CYB5D1: variants seen among roughly 807,000 people sequenced by gnomAD.
CYB5D1 encodes cytochrome b5 domain containing 1.
Under a neutral mutation model 24.3 loss-of-function variants are expected in CYB5D1, and 30 were observed. The observed-to-expected ratio is 1.23, with a 90% CI of 0.92 to 1.67. CYB5D1 has a LOEUF of 1.67. Among genes scored for constraint, CYB5D1 ranks in the 40% most tolerant of loss-of-function variants. The pLI is 0.00. For synonymous variants in CYB5D1, 128 were observed against 123.2 expected, an observed-to-expected ratio of 1.04 and a Z score of -0.26; for missense variants, 265 against 296.7, an observed-to-expected ratio of 0.89 and a Z score of 0.79.
At position 7,859,697 on chromosome 17, in the gene CYB5D1, GGGGT is replaced by G; in HGVS notation, c.*87_*90del. ...CCTTGAGGAAAAGTGGTGGGGCCGA[GGGGT>G]GCCTGGACCCAGATCTCCACTCCTC... is the stretch of plus-strand genomic sequence containing the variant. On this transcript the variant is annotated 3_prime_UTR_variant, in exon 4 of 4. Transcript: ENST00000332439. The G allele has an allele frequency of 7.9e-7, 1 of 1,269,400 alleles. No homozygotes were observed. Among genetic ancestry groups the G allele is most frequent in the Non-Finnish European group, 1.1e-6 (1 of 884,300 alleles). 78.6% of individuals were successfully genotyped at this position (1,269,400 alleles called of 1,614,324 possible).
Position 7,858,079 on chromosome 17 carries a change from C to G in CYB5D1, c.-56C>G. 1.9e-6 allele frequency: 3 copies of G among 1,603,584 alleles called. No homozygotes were observed. Among genetic ancestry groups the G allele is most frequent in the Non-Finnish European group, 2.5e-6 (3 of 1,176,778 alleles). ...ACGGAGGTCGTAGTAGTAGTGAGTA[C>G]GTGCTGAGGAGCAAAGGAGTAACCA... is the stretch of plus-strand genomic sequence containing the variant. On this transcript the variant is annotated 5_prime_UTR_variant, in exon 1 of 4. Transcript: ENST00000332439.
chr17:7,858,580 C>A (rs761084853), intron 2 of CYB5D1, 26 bp from the exon 3 acceptor site: 4 of 1,608,538 alleles, frequency 2.5e-6, no homozygotes, highest in Non-Finnish European at 3.4e-6. Context: ...TGCTCTGACA[C>A]CCTCGCCCCA....
At position 7,858,111 on chromosome 17, in the gene CYB5D1, C is replaced by T. The variant is rs1289381440; in HGVS notation, c.-24C>T. 7 of 1,612,274 alleles carry T rather than the reference C, an allele frequency of 4.3e-6. No individual in the cohort carries two copies. The highest frequency in any genetic ancestry group is 1.3e-5 in the African/African-American group (1 of 74,924). On this transcript the variant is annotated 5_prime_UTR_variant, in exon 1 of 4. Transcript: ENST00000332439. The stretch of plus-strand genomic sequence containing the variant: ...AGGAGCAAAGGAGTAACCAAGAGAT[C>T]CAGTGACCGACAGAGCAAGAGCCAT...
chr17:7,858,028 C>T lies in CYB5D1; in HGVS notation c.-107C>T, dbSNP rs766513238. On this transcript the variant is annotated 5_prime_UTR_variant, in exon 1 of 4. The change creates a new upstream start codon in the 5' untranslated region. Coordinates refer to ENST00000332439, the MANE Select transcript of CYB5D1 (RefSeq NM_144607.6). ...AATGGTTTCCATGTCAGCGGATAAA[C>T]GCTCTCCCCTCGGCTCCCGGACGCG... 20 of 1,536,582 alleles carry T rather than the reference C, an allele frequency of 1.3e-5. No individual in the cohort carries two copies. The highest frequency in any genetic ancestry group is 1.7e-5 in the Non-Finnish European group (19 of 1,147,244).
In CYB5D1 at chr17:7,860,790, C is replaced by T. The variant is rs1207225588; in HGVS notation, c.*1178C>T. On this transcript the variant is annotated 3_prime_UTR_variant, in exon 4 of 4. Transcript: ENST00000332439. ...CAAGGAAGGCTAAGTGTCAGTTAAG[C>T]AATAGCTATTGGGGCTACTTCTTTG... 1.3e-5 allele frequency: 2 copies of T among 152,202 alleles called. No individual in the cohort carries two copies. Among genetic ancestry groups the T allele is most frequent in the African/African-American group, 4.8e-5 (2 of 41,434 alleles). The allele number at this position is 152,202 out of a possible 1,614,324, so 9.4% of individuals were successfully genotyped here.
chr17:7,858,202 C>T lies in CYB5D1; in HGVS notation c.68C>T (p.Ala23Val), dbSNP rs146292470. 4 of 1,613,948 alleles carry T rather than the reference C, an allele frequency of 2.5e-6. No homozygotes were observed. Among genetic ancestry groups the T allele is most frequent in the Admixed American group, 1.7e-5 (1 of 60,024 alleles). ...EYFQRRYFTP[A>V]EVAQHNRPED... ...TTTCAGCGTCGCTATTTCACGCCGG[C>T]GGAGGTGGCCCAACATAACAGGCCC... The change falls in exon 1 of 4, where the codon GCG becomes GTG. Residue 23 changes from alanine to valine, a missense_variant. Ala to Val is a moderately conservative substitution (Grantham distance 64). Coordinates refer to ENST00000332439, the MANE Select transcript of CYB5D1 (RefSeq NM_144607.6).
rs747039626 is a variant in CYB5D1, at chr17:7,858,750, G to T, written c.382G>T (p.Val128Leu). Residue 128 changes from valine to leucine, a missense_variant, in exon 3 of 4, where the codon GTG becomes TTG. Val to Leu is a conservative substitution (Grantham distance 32). Coordinates refer to ENST00000332439, the MANE Select transcript of CYB5D1 (RefSeq NM_144607.6). ...KPWWQGSYYE[V>L]GRLSAKTRSI... ...CTGGTGGCAGGGGTCGTATTATGAG[G>T]TGGGGCGGCTGTCTGCCAAGACCCG... 2.5e-6 allele frequency: 4 copies of T among 1,600,918 alleles called. No individual in the cohort carries two copies. Among genetic ancestry groups the T allele is most frequent in the Non-Finnish European group, 3.4e-6 (4 of 1,173,340 alleles).
At chr17:7,859,214 G>C in intron 3 of CYB5D1, 168 bp from the exon 4 acceptor site, 1 of 620,852 alleles carries the variant, frequency 1.6e-6, no homozygotes, top group Non-Finnish European at 2.8e-6. Context: ...ATTAAGATCT[G>C]TAGGACTTTA....
rs2078846252 is a variant in CYB5D1 at position 7,858,056 on chromosome 17, G to A, written c.-79G>A. 3 of 1,569,040 alleles carry A rather than the reference G, an allele frequency of 1.9e-6. No homozygotes were observed. Among genetic ancestry groups the A allele is most frequent in the Non-Finnish European group, 2.6e-6 (3 of 1,158,040 alleles). On this transcript the variant is annotated 5_prime_UTR_variant, in exon 1 of 4. Coordinates refer to ENST00000332439, the MANE Select transcript of CYB5D1 (RefSeq NM_144607.6). The stretch of plus-strand genomic sequence containing the variant: ...TCTCCCCTCGGCTCCCGGACGCGAC[G>A]GAGGTCGTAGTAGTAGTGAGTACGT...
rs750465068 is a variant in CYB5D1, at chr17:7,858,187, G to A, written c.53G>A (p.Arg18His). 12 of 1,613,934 alleles carry A rather than the reference G, an allele frequency of 7.4e-6. No homozygotes were observed. Among genetic ancestry groups the A allele is most frequent in the Middle Eastern group, 1.7e-4 (1 of 6,060 alleles). Reference sequence around the variant, plus strand: ...CCAGACTTGGAGTATTTTCAGCGTCGCTATTTCACGCCGGCGGAGGTGGCC... The same window carrying A: ...CCAGACTTGGAGTATTTTCAGCGTCACTATTTCACGCCGGCGGAGGTGGCC... ...AGPDLEYFQR[R>H]YFTPAEVAQH... Residue 18 changes from arginine to histidine, a missense_variant, in exon 1 of 4, where the codon CGC becomes CAC. Transcript: ENST00000332439.
Position 7,859,406 on chromosome 17 carries a change from G to A in CYB5D1, c.481G>A (p.Glu161Lys), listed in dbSNP as rs1484829953. ...LEVGVLESIW[E>K]ILHRYLPYNS... ...GGTGGGGGTTCTGGAGTCCATATGGGAAATCCTACACCGCTATCTCCCCTA... is the reference window on the plus strand; with the variant it reads ...GGTGGGGGTTCTGGAGTCCATATGGAAAATCCTACACCGCTATCTCCCCTA... The change falls in exon 4 of 4, where the codon GAA (glutamate) becomes AAA (lysine). Residue 161 changes from glutamate to lysine, a missense_variant. By Grantham distance (56) the Glu-to-Lys change is moderately conservative. Coordinates refer to ENST00000332439, the MANE Select transcript of CYB5D1 (RefSeq NM_144607.6). 6.2e-7 allele frequency: 1 copy of A among 1,614,074 alleles called. No individual in the cohort carries two copies. Among genetic ancestry groups the A allele is most frequent in the African/African-American group, 1.3e-5 (1 of 74,982 alleles).
chr17:7,859,759 A>G lies in CYB5D1; in HGVS notation c.*147A>G, dbSNP rs555901982. 40 of 665,376 alleles carry G rather than the reference A, an allele frequency of 6.0e-5. No homozygotes were observed. The East Asian group carries it at 1.0e-3, about 17-fold the overall frequency. 41.2% of individuals were successfully genotyped at this position (665,376 alleles called of 1,614,324 possible). A position where few individuals can be genotyped will look rare whatever the true frequency, so the allele number is the denominator to read the frequency against. The stretch of plus-strand genomic sequence containing the variant: ...GCTAGCCTGTGCCCTTCTGAAGTGT[A>G]AAGGCCCTATTCCCTGCCTTCATTA... On this transcript the variant is annotated 3_prime_UTR_variant, in exon 4 of 4. Transcript: ENST00000332439.
rs960001652 is a variant in CYB5D1 at position 7,860,903 on chromosome 17, A to T, written c.*1291A>T. 6.6e-6 allele frequency: 1 copy of T among 152,160 alleles called. No individual in the cohort carries two copies. The highest frequency in any genetic ancestry group is 1.5e-5 in the Non-Finnish European group (1 of 68,030). 9.4% of individuals were successfully genotyped at this position (152,160 alleles called of 1,614,324 possible). On this transcript the variant is annotated 3_prime_UTR_variant, in exon 4 of 4. Transcript: ENST00000332439. ...CTTGAAGGAAAACTAGAGTGGGGAA[A>T]AGGCCGGCAAATTAGTGACACTTTG...
rs572614412 is a variant in CYB5D1, at chr17:7,860,708, T to C, written c.*1096T>C. ...GGAAATTGTGGTCCTATTGTATAGT[T>C]TGCAGTTATTGTCTCTGGAAGGGAG... On this transcript the variant is annotated 3_prime_UTR_variant, in exon 4 of 4. Transcript: ENST00000332439. 1 of 152,290 alleles carries C rather than the reference T, an allele frequency of 6.6e-6. No individual in the cohort carries two copies. The highest frequency in any genetic ancestry group is 2.4e-5 in the African/African-American group (1 of 41,560). 9.4% of individuals were successfully genotyped at this position (152,290 alleles called of 1,614,324 possible). A position where few individuals can be genotyped will look rare whatever the true frequency, so the allele number is the denominator to read the frequency against.
rs1238927860 is a variant in CYB5D1 at position 7,860,808 on chromosome 17, CTTCT to C, written c.*1199_*1202del. On this transcript the variant is annotated 3_prime_UTR_variant, in exon 4 of 4. Transcript: ENST00000332439. ...AGTTAAGCAATAGCTATTGGGGCTA[CTTCT>C]TTGTTAATCCCATACCCCAGATTTC... 1.3e-5 allele frequency: 2 copies of C among 152,086 alleles called. No homozygotes were observed. The highest frequency in any genetic ancestry group is 2.9e-5 in the Non-Finnish European group (2 of 68,024). 9.4% of individuals were successfully genotyped at this position (152,086 alleles called of 1,614,324 possible). A position where few individuals can be genotyped will look rare whatever the true frequency, so the allele number is the denominator to read the frequency against.
In CYB5D1 at chr17:7,858,311, G is replaced by T; in HGVS notation, c.160+17G>T. The T allele has an allele frequency of 6.2e-7, 1 of 1,613,922 alleles. No homozygotes were observed. Among genetic ancestry groups the T allele is most frequent in the Non-Finnish European group, 8.5e-7 (1 of 1,179,902 alleles). On this transcript the variant is annotated intron_variant, in intron 1 of 3. Coordinates refer to ENST00000332439, the MANE Select transcript of CYB5D1 (RefSeq NM_144607.6). ...AATACAAGGGTAAGGGCCACACGTT[G>T]GGCCGGGGCCGGAGTGTGTGTGTGT...
Position 7,859,645 on chromosome 17 carries a change from C to T in CYB5D1, c.*33C>T, listed in dbSNP as rs764272834. On this transcript the variant is annotated 3_prime_UTR_variant, in exon 4 of 4. Coordinates refer to ENST00000332439, the MANE Select transcript of CYB5D1 (RefSeq NM_144607.6). ...GATGTACACTCGTGTAGACTCAAGA[C>T]GTATTTCGAGTTTGGCTTTTTCTGT... The T allele has an allele frequency of 1.2e-5, 20 of 1,601,042 alleles. No homozygotes were observed. The highest frequency in any genetic ancestry group is 3.3e-5 in the Admixed American group (2 of 59,920).
intron 3 of CYB5D1, chr17:7,859,093 C>G: frequency 1.7e-6 from 1 of 571,852 alleles, no homozygotes; most frequent in Non-Finnish European, 3.1e-6. Flanking sequence ...GAAGCTCTTA[C>G]ACGCCGTTTT....
At position 7,860,848 on chromosome 17, in the gene CYB5D1, T is replaced by C. The variant is rs1307442173; in HGVS notation, c.*1236T>C. 6.6e-6 allele frequency: 1 copy of C among 152,176 alleles called. No homozygotes were observed. The highest frequency in any genetic ancestry group is 2.4e-5 in the African/African-American group (1 of 41,428). 9.4% of individuals were successfully genotyped at this position (152,176 alleles called of 1,614,324 possible). On this transcript the variant is annotated 3_prime_UTR_variant, in exon 4 of 4. Transcript: ENST00000332439. ...CATACCCCAGATTTCTCTCCTGACC[T>C]TTTGGGGCAAAGAGGTGGGTATTTA...
Sources: gnomAD v4.1 joint callset for allele counts on GRCh38, gnomAD v4.1.1 for gene constraint, MANE v1.5 for transcripts, NCBI Gene and HGNC (gene_info 2026-07-23, HGNC 2026-07-21) for gene names.